Variants in UACA observed in about 807,000 individuals in gnomAD.
The protein encoded by UACA is nuclear membrane binding protein.
Under a neutral mutation model 160.5 loss-of-function variants are expected in UACA, and 112 were observed. That is an observed-to-expected ratio of 0.70 (90% CI 0.60 to 0.82). The LOEUF (loss-of-function observed/expected upper bound fraction) is 0.82. Among genes scored for constraint, UACA ranks in the 40% least tolerant of loss-of-function variants. The pLI is 0.00. For synonymous variants in UACA, 557 were observed against 568.4 expected (o/e 0.98, Z 0.29); for missense variants, 1,574 against 1,614.6 (o/e 0.97, Z 0.43).
At chr15:70,710,632 T>A (rs1343837019) in intron 1 of UACA, among the ~76,000 whole-genome samples, 1 of 152,206 alleles carries the variant, frequency 6.6e-6, no homozygotes, top group Non-Finnish European at 1.5e-5. Flanking sequence ...AGGGTTCCCA[T>A]GACCCATGAT....
At chr15:70,773,454 T>C in the UACA span, among the ~76,000 whole-genome samples, 9 of 152,102 alleles carry the variant, frequency 5.9e-5, no homozygotes, top group Admixed American at 5.9e-4. Context: ...CTAAAACATT[T>C]TTTGTAGGCT....
intron 1 of UACA, among the ~76,000 whole-genome samples, chr15:70,762,902 TGC>T (rs1236080317): frequency 6.6e-6 from 1 of 151,998 alleles, no homozygotes; most frequent in African/African-American, 2.4e-5. Context: ...CCCTACCTGG[TGC>T]GAGCCCCGGC....
At chr15:70,751,969 C>G (rs2030098612) in intron 1 of UACA, among the ~76,000 whole-genome samples, 1 of 152,154 alleles carries the variant, frequency 6.6e-6, no homozygotes, top group Non-Finnish European at 1.5e-5. Context: ...GGCACAGTGG[C>G]TCACGCCTGT....
At chr15:70,772,503 A>AG in the UACA span, among the ~76,000 whole-genome samples, 3 of 149,230 alleles carry the variant, frequency 2.0e-5, no homozygotes, top group Non-Finnish European at 4.5e-5. Flanking sequence ...AAAAAAAAAA[A>AG]AAAAAAAAAA....
intron 9 of UACA, among the ~76,000 whole-genome samples, chr15:70,680,510 T>C (rs941124971): frequency 6.6e-6 from 1 of 152,204 alleles, no homozygotes; most frequent in African/African-American, 2.4e-5. Context: ...GATCTAGAAC[T>C]AGAGGAACAA....
chr15:70,764,794 C>T (rs2141023464), upstream of UACA, among the ~76,000 whole-genome samples: 1 of 152,272 alleles, frequency 6.6e-6, no homozygotes, highest in Non-Finnish European at 1.5e-5. Context: ...ATTCCTCCCC[C>T]TTCCTCTAGA....
At chr15:70,708,580 G>A (rs901928872) in intron 1 of UACA, among the ~76,000 whole-genome samples, 6 of 151,432 alleles carry the variant, frequency 4.0e-5, no homozygotes, top group Non-Finnish European at 8.8e-5. Flanking sequence ...CTATTCTCCT[G>A]GTTCAGCCTC....
At position 70,668,150 on chromosome 15, in the gene UACA, G is replaced by A. The variant is rs113034898; in HGVS notation, c.2534C>T (p.Thr845Ile). The A allele has an allele frequency of 8.1e-6, 13 of 1,613,086 alleles. No individual in the cohort carries two copies. Among genetic ancestry groups the A allele is most frequent in the African/African-American group, 4.0e-5 (3 of 74,874 alleles). ...CTTCTTCAAGTTAGTGTTTTCAGAT[G>A]TGAGAGCGTGTATTTTCTCCTGGTC... ...GEDQEKIHAL[T>I]SENTNLKKMM... is the part of the protein sequence containing the mutation. Residue 845 changes from threonine to isoleucine, a missense_variant, in exon 16 of 19, where the codon ACA (threonine) becomes ATA (isoleucine). Coordinates refer to ENST00000322954, the MANE Select transcript of UACA (RefSeq NM_018003.4).
chr15:70,740,536 C>G (rs966246307), intron 1 of UACA, among the ~76,000 whole-genome samples: 2 of 149,964 alleles, frequency 1.3e-5, no homozygotes, highest in African/African-American at 4.9e-5. Context: ...ACACGGGAGG[C>G]TGAGGCAGGA....
At chr15:70,661,201 C>T (rs533626192) in intron 17 of UACA, 2 of 152,286 alleles carry the variant, frequency 1.3e-5, no homozygotes, top group Admixed American at 6.5e-5. Context: ...CAGGTACTCC[C>T]TTCTTTAAAA....
chr15:70,665,114 G>C (rs1229512436), intron 16 of UACA, among the ~76,000 whole-genome samples: 1 of 152,098 alleles, frequency 6.6e-6, no homozygotes, highest in Non-Finnish European at 1.5e-5. Context: ...ATCTACGAAG[G>C]CACATGAACT....
Position 70,702,107 on chromosome 15 carries a change from C to T in UACA, c.79-2447G>A, listed in dbSNP as rs1050699375. On this transcript the variant is annotated intron_variant, in intron 1 of 18. Transcript: ENST00000322954. ...TCAGGATCCTTCTCCGCCTTCATAA[C>T]GCTCGAATATTATCTTCCTTGCAAT... is the stretch of plus-strand genomic sequence containing the variant. 5.8e-5 allele frequency: 77 copies of T among 1,329,170 alleles called. 1 individual carries two copies. The East Asian group carries it at 1.0e-3, about 18-fold the overall frequency. 82.3% of individuals were successfully genotyped at this position (1,329,170 alleles called of 1,614,324 possible).
At chr15:70,714,567 T>C (rs1266856034) in intron 1 of UACA, among the ~76,000 whole-genome samples, 2 of 152,196 alleles carry the variant, frequency 1.3e-5, no homozygotes, top group Admixed American at 1.3e-4. Context: ...AATCTCACTT[T>C]ACCGGATTCT....
chr15:70,665,225 A>T (rs983644672), intron 16 of UACA, among the ~76,000 whole-genome samples: 5 of 152,176 alleles, frequency 3.3e-5, no homozygotes, highest in Non-Finnish European at 5.9e-5. Flanking sequence ...TAGGATTAAC[A>T]TATGTTCCTT....
intron 13 of UACA, among the ~76,000 whole-genome samples, chr15:70,675,004 T>C (rs1011811635): frequency 6.6e-6 from 1 of 152,216 alleles, no homozygotes; most frequent in Non-Finnish European, 1.5e-5. Context: ...AAAGGCCCTG[T>C]ATATACTCCT....
rs529932553 is a variant in UACA at position 70,656,397 on chromosome 15, T to C, written c.*659A>G. On this transcript the variant is annotated 3_prime_UTR_variant, in exon 19 of 19. Transcript: ENST00000322954. ...GTTGTAGAGATTAAGGCAATTTTAT[T>C]ATAAATTCCTGATATATTCCACCCC... is the stretch of plus-strand genomic sequence containing the variant. The C allele has an allele frequency of 9.1e-4, 139 of 152,320 alleles. No homozygotes were observed. Among genetic ancestry groups the C allele is most frequent in the African/African-American group, 3.3e-3 (136 of 41,572 alleles). The allele number at this position is 152,320 out of a possible 1,614,324, so 9.4% of individuals were successfully genotyped here. A position where few individuals can be genotyped will look rare whatever the true frequency, so the allele number is the denominator to read the frequency against.
chr15:70,685,948 T>C (rs900728030), intron 7 of UACA, among the ~76,000 whole-genome samples: 1 of 152,100 alleles, frequency 6.6e-6, no homozygotes, highest in African/African-American at 2.4e-5. Context: ...CTAATTTTTG[T>C]ATTTTTGGTA....
At chr15:70,697,046 A>G (rs1295557956) in intron 2 of UACA, among the ~76,000 whole-genome samples, 1 of 152,210 alleles carries the variant, frequency 6.6e-6, no homozygotes, top group Non-Finnish European at 1.5e-5. Context: ...AAAAAATACT[A>G]TTTTGCAATT....
Position 70,664,672 on chromosome 15 carries a change from T to G in UACA, c.4103A>C (p.Gln1368Pro), listed in dbSNP as rs933684841. The G allele has an allele frequency of 3.7e-6, 6 of 1,609,912 alleles. No individual in the cohort carries two copies. Among genetic ancestry groups the G allele is most frequent in the Non-Finnish European group, 8.5e-7 (1 of 1,178,280 alleles). Reference sequence around the variant, plus strand: ...TGCCTGGTTACTCACGGCCAGCTGTTGCTCCAGAGATTTCACTTGGTGCTG... The same window carrying G: ...TGCCTGGTTACTCACGGCCAGCTGTGGCTCCAGAGATTTCACTTGGTGCTG... ...TLQHQVKSLE[Q>P]QLADADRQHQ... The change falls in exon 17 of 19, where the codon CAA becomes CCA. Residue 1368 changes from glutamine (Q) to proline (P), a missense_variant. Gln to Pro is a moderately conservative substitution (Grantham distance 76). Coordinates refer to ENST00000322954, the MANE Select transcript of UACA (RefSeq NM_018003.4).
Sources: gnomAD v4.1 joint callset for allele counts (sites outside exome capture counted in the v4.1 genomes callset) on GRCh38, gnomAD v4.1.1 for gene constraint, MANE v1.5 for transcripts, NCBI Gene and HGNC (gene_info 2026-07-23, HGNC 2026-07-21) for gene names.